SERPINF1: variants seen among roughly 807,000 people sequenced by gnomAD.
SERPINF1 encodes the protein pigment epithelium-derived factor.
Under a neutral mutation model 37.3 loss-of-function variants are expected in SERPINF1, and 29 were observed. The observed-to-expected ratio is 0.78, with a 90% CI of 0.58 to 1.06. The LOEUF is 1.06. SERPINF1 is among the 50% of genes least tolerant of loss of function. The probability of loss-of-function intolerance (pLI) is 0.00; values close to 1 mark genes in which losing one functional copy is unlikely to be tolerated. For missense variants in SERPINF1, 553 were observed against 532.2 expected (o/e 1.04, Z -0.38); for synonymous variants, 281 against 227.9 (o/e 1.23, Z -2.10).
chr17:1,776,505 A>G (rs1193286640), intron 6 of SERPINF1, 27 bp from the exon 7 acceptor site: 6 of 1,611,828 alleles, frequency 3.7e-6, no homozygotes, highest in Non-Finnish European at 5.1e-6. Context: ...CTGAAGGACT[A>G]ACCACATGCT....
At position 1,776,574 on chromosome 17, in the gene SERPINF1, T is replaced by C. The variant is rs1318640091; in HGVS notation, c.829T>C (p.Phe277Leu). The C allele has an allele frequency of 6.2e-7, 1 of 1,614,066 alleles. No individual in the cohort carries two copies. The highest frequency in any genetic ancestry group is 1.7e-5 in the Admixed American group (1 of 59,998). ...GACCGGAAGCATGAGTATCATCTTC[T>C]TCCTGCCCCTGAAAGTGACCCAGAA... ...PLTGSMSIIF[F>L]LPLKVTQNLT... The change falls in exon 7 of 8, where the codon TTC becomes CTC. Residue 277 changes from phenylalanine to leucine, a missense_variant. Transcript: ENST00000254722.
At chr17:1,771,585 G>T (rs1907739037) in intron 4 of SERPINF1, 4 of 495,426 alleles carry the variant, frequency 8.1e-6, no homozygotes, top group Non-Finnish European at 1.5e-5. Flanking sequence ...CCTGGCACTG[G>T]TGTGGAGGAA....
intron 2 of SERPINF1, among the ~76,000 whole-genome samples, chr17:1,767,237 G>C (rs1003704898): frequency 9.2e-5 from 14 of 152,156 alleles, no homozygotes; most frequent in African/African-American, 2.9e-4. Flanking sequence ...CTTTTAACAA[G>C]TCCAGGGCAA....
chr17:1,764,529 G>A (rs1321947496), intron 1 of SERPINF1, among the ~76,000 whole-genome samples: 3 of 152,376 alleles, frequency 2.0e-5, no homozygotes, highest in Non-Finnish European at 2.9e-5. Context: ...AGAGGTCTGC[G>A]GCTCGAGGCG....
chr17:1,767,727 A>T (rs1301892975), intron 2 of SERPINF1, among the ~76,000 whole-genome samples: 1 of 152,220 alleles, frequency 6.6e-6, no homozygotes, highest in Non-Finnish European at 1.5e-5. Flanking sequence ...TCGTGAGGTC[A>T]GAGTATGAAT....
chr17:1,766,049 G>A (rs142366086), intron 1 of SERPINF1, among the ~76,000 whole-genome samples: 1 of 152,212 alleles, frequency 6.6e-6, no homozygotes, highest in East Asian at 1.9e-4. Context: ...AGCACGTGCC[G>A]GACTGGGTGC....
chr17:1,771,634 G>A, intron 4 of SERPINF1: 1 of 570,462 alleles, frequency 1.8e-6, no homozygotes, highest in Non-Finnish European at 3.2e-6. Context: ...AGAGGAAGTG[G>A]GCTGCAGGAG....
chr17:1,768,133 T>C (rs1907494383), intron 2 of SERPINF1, among the ~76,000 whole-genome samples: 1 of 147,796 alleles, frequency 6.8e-6, no homozygotes, highest in Non-Finnish European at 1.5e-5. Flanking sequence ...GCCCAGGAGA[T>C]TAAGACTGCA....
chr17:1,771,675 C>T (rs1463623596), intron 4 of SERPINF1, 197 bp from the exon 5 acceptor site: 11 of 638,594 alleles, frequency 1.7e-5, no homozygotes, highest in Non-Finnish European at 2.8e-5. Flanking sequence ...GGCAGTGGCG[C>T]GATGTGGGGA....
At chr17:1,769,593 T>C (rs1907591136) in intron 2 of SERPINF1, 1 of 531,726 alleles carries the variant, frequency 1.9e-6, no homozygotes, top group East Asian at 3.3e-5. Context: ...CACTGAACTC[T>C]AGCCTGGGTG....
At chr17:1,765,308 AT>A (rs1306795054) in intron 1 of SERPINF1, among the ~76,000 whole-genome samples, 1 of 149,768 alleles carries the variant, frequency 6.7e-6, no homozygotes, top group East Asian at 2.0e-4. Flanking sequence ...ATGCCTGGCT[AT>A]TTTATTTTAT....
Position 1,771,932 on chromosome 17 carries a change from G to A in SERPINF1, c.500G>A (p.Arg167Lys). ...GAAAAGTCATATGGGACCAGGCCCA[G>A]AGTCCTGACGGGCAACCCTCGCTTG... ...PLEKSYGTRP[R>K]VLTGNPRLDL... Residue 167 changes from arginine to lysine, a missense_variant, in exon 5 of 8, where the codon AGA becomes AAA. Physicochemically the swap from Arg to Lys is conservative, Grantham distance 26 (BLOSUM62 2). Coordinates refer to ENST00000254722, the MANE Select transcript of SERPINF1 (RefSeq NM_002615.7). 1 of 1,614,068 alleles carries A rather than the reference G, an allele frequency of 6.2e-7. No homozygotes were observed. Among genetic ancestry groups the A allele is most frequent in the Non-Finnish European group, 8.5e-7 (1 of 1,180,030 alleles).
At chr17:1,772,407 C>G (rs749087804) in intron 5 of SERPINF1, among the ~76,000 whole-genome samples, 2 of 152,020 alleles carry the variant, frequency 1.3e-5, no homozygotes, top group Admixed American at 6.6e-5. Context: ...TGAGCCACCA[C>G]GCCCAGCCCT....
At chr17:1,771,836 G>A (rs2151208894) in intron 4 of SERPINF1, 36 bp from the exon 5 acceptor site, 1 of 1,599,384 alleles carries the variant, frequency 6.3e-7, no homozygotes, top group Non-Finnish European at 8.5e-7. Context: ...TTGTCGTCGA[G>A]TCTCATACGC....
At chr17:1,766,032 G>A (rs1907346808) in intron 1 of SERPINF1, among the ~76,000 whole-genome samples, 1 of 152,206 alleles carries the variant, frequency 6.6e-6, no homozygotes, top group African/African-American at 2.4e-5. Flanking sequence ...TGAGAATTTG[G>A]AGGGACAGCA....
In SERPINF1 at chr17:1,766,945, C is replaced by G; in HGVS notation, c.35C>G (p.Ala12Gly). The G allele has an allele frequency of 6.4e-7, 1 of 1,565,288 alleles. No individual in the cohort carries two copies. The highest frequency in any genetic ancestry group is 1.4e-5 in the African/African-American group (1 of 73,898). ...CTGGTGCTACTCCTCTGCATTGGAGCCCTCCTCGGGCACAGCAGCTGCCAG... is the reference window on the plus strand; with the variant it reads ...CTGGTGCTACTCCTCTGCATTGGAGGCCTCCTCGGGCACAGCAGCTGCCAG... ...QALVLLLCIG[A>G]LLGHSSCQNP... Residue 12 changes from alanine (A) to glycine (G), a missense_variant, in exon 2 of 8, where the codon GCC becomes GGC. Transcript: ENST00000254722.
At chr17:1,763,230 G>C (rs1597344376) in intron 1 of SERPINF1, among the ~76,000 whole-genome samples, 2 of 152,304 alleles carry the variant, frequency 1.3e-5, no homozygotes, top group East Asian at 1.9e-4. Flanking sequence ...GTGCGGTTCT[G>C]GGAAGAGGGG....
At position 1,772,012 on chromosome 17, in the gene SERPINF1, A is replaced by G. The variant is rs762617596; in HGVS notation, c.580A>G (p.Arg194Gly). 7.4e-6 allele frequency: 12 copies of G among 1,613,784 alleles called. No individual in the cohort carries two copies. Among genetic ancestry groups the G allele is most frequent in the Non-Finnish European group, 1.0e-5 (12 of 1,180,000 alleles). The change falls in exon 5 of 8, where the codon AGG becomes GGG. Residue 194 changes from arginine (R) to glycine (G), a missense_variant. By Grantham distance (125) the Arg-to-Gly change is moderately radical. Transcript: ENST00000254722. ...GGCGCAGATGAAAGGGAAGCTCGCC[A>G]GGTCCACAAAGGAAATTCCCGATGA... ...VQAQMKGKLA[R>G]STKEIPDEIS...
intron 6 of SERPINF1, 111 bp downstream of exon 6, chr17:1,775,311 C>T (rs576645741): frequency 2.8e-5 from 32 of 1,124,528 alleles, no homozygotes; most frequent in Middle Eastern, 3.0e-4. Context: ...GTCTACATGT[C>T]GCCTGCTGTG....
Sources: gnomAD v4.1 joint callset for allele counts (sites outside exome capture counted in the v4.1 genomes callset) on GRCh38, gnomAD v4.1.1 for gene constraint, MANE v1.5 for transcripts, NCBI Gene and HGNC (gene_info 2026-07-23, HGNC 2026-07-21) for gene names.